Variants in CDS2 observed in about 807,000 individuals in gnomAD.
The protein encoded by CDS2 is CDP-diacylglycerol synthase 2.
In CDS2, 47 loss-of-function variants were observed where a neutral mutation model predicts 59.0. The ratio of observed to expected loss-of-function variants is 0.80; its 90% CI spans 0.63 to 1.02. The LOEUF (loss-of-function observed/expected upper bound fraction) is 1.02, where lower values mean the gene tolerates loss of function less well. Ranked by LOEUF, CDS2 falls within the 50% of genes least tolerant of loss-of-function variation. CDS2 has a pLI of 0.00. For synonymous variants in CDS2, 207 were observed against 206.4 expected (o/e 1.00, Z -0.02); for missense variants, 356 against 558.9 (o/e 0.64, Z 3.66).
chr20:5,180,001 A>C (rs935423627), intron 5 of CDS2, among the ~76,000 whole-genome samples: 4 of 152,234 alleles, frequency 2.6e-5, no homozygotes, highest in Non-Finnish European at 2.9e-5. Flanking sequence ...TAAAATCTGC[A>C]AAGGGGTCTG....
intron 1 of CDS2, among the ~76,000 whole-genome samples, chr20:5,148,597 G>A (rs576927276): frequency 2.6e-5 from 4 of 152,150 alleles, no homozygotes; most frequent in Non-Finnish European, 5.9e-5. Flanking sequence ...TCAACTGTAG[G>A]TTTATGGTGT....
chr20:5,190,339 G>GT lies in CDS2; in HGVS notation c.*106dup. 1.5e-5 allele frequency: 13 copies of GT among 869,146 alleles called. No individual in the cohort carries two copies. Among genetic ancestry groups the GT allele is most frequent in the South Asian group, 1.1e-4 (4 of 37,504 alleles). The allele number at this position is 869,146 out of a possible 1,614,324, so 53.8% of individuals were successfully genotyped here. A position where few individuals can be genotyped will look rare whatever the true frequency, so the allele number is the denominator to read the frequency against. On this transcript the variant is annotated 3_prime_UTR_variant, in exon 13 of 13. Transcript: ENST00000460006. ...GACAATGACGAGGCTTCAACTCACTGTCTTTTTTTTTTTTTTTTGGAGGGT... is the reference window on the plus strand; with the variant it reads ...GACAATGACGAGGCTTCAACTCACTGTTCTTTTTTTTTTTTTTTTGGAGGGT...
chr20:5,185,274 T>C (rs2091059206), intron 8 of CDS2, among the ~76,000 whole-genome samples: 1 of 151,944 alleles, frequency 6.6e-6, no homozygotes, highest in African/African-American at 2.4e-5. Context: ...ATTTAAAAAT[T>C]AGCCAGGCAT....
chr20:5,134,513 A>G (rs1261213228), intron 1 of CDS2, among the ~76,000 whole-genome samples: 2 of 152,004 alleles, frequency 1.3e-5, no homozygotes, highest in Non-Finnish European at 2.9e-5. Context: ...TAAGAGTTTT[A>G]TTTTTATTTA....
chr20:5,138,549 C>T (rs2090666800), intron 1 of CDS2, among the ~76,000 whole-genome samples: 1 of 151,590 alleles, frequency 6.6e-6, no homozygotes. Context: ...GCAATGGCGC[C>T]ATTTTGGCTC....
intron 1 of CDS2, among the ~76,000 whole-genome samples, chr20:5,144,346 CTT>C (rs1017010441): frequency 1.3e-5 from 2 of 152,146 alleles, no homozygotes; most frequent in Non-Finnish European, 2.9e-5. Flanking sequence ...GTGACATACT[CTT>C]TTGCTCTCAA....
At chr20:5,172,394 C>A (rs560019989) in intron 1 of CDS2, among the ~76,000 whole-genome samples, 15 of 152,180 alleles carry the variant, frequency 9.9e-5, no homozygotes, top group African/African-American at 3.6e-4. Context: ...GCACATAAAC[C>A]ACTACAAATC....
At chr20:5,164,689 CTAAA>C (rs986961760) in intron 1 of CDS2, among the ~76,000 whole-genome samples, 1 of 151,526 alleles carries the variant, frequency 6.6e-6, no homozygotes, top group African/African-American at 2.4e-5. Flanking sequence ...CCCTTAAATA[CTAAA>C]TAGAGATGCC....
chr20:5,197,159 T>TA lies in CDS2; in HGVS notation c.*6925_*6926insA, dbSNP rs2091163791. The stretch of plus-strand genomic sequence containing the variant: ...AATATATTTTAATTTTTATTGATGT[T>TA]TAATACCTTCTGAAACAGGAGGGTA... On this transcript the variant is annotated 3_prime_UTR_variant, in exon 13 of 13. Coordinates refer to ENST00000460006, the MANE Select transcript of CDS2 (RefSeq NM_003818.4). 1 of 152,120 alleles carries TA rather than the reference T, an allele frequency of 6.6e-6. No individual in the cohort carries two copies. Among genetic ancestry groups the TA allele is most frequent in the Non-Finnish European group, 1.5e-5 (1 of 68,026 alleles). The allele number at this position is 152,120 out of a possible 1,614,324, so 9.4% of individuals were successfully genotyped here.
At chr20:5,181,783 A>G (rs117244535) in intron 5 of CDS2, among the ~76,000 whole-genome samples, 7 of 152,342 alleles carry the variant, frequency 4.6e-5, no homozygotes, top group Non-Finnish European at 8.8e-5. Flanking sequence ...ACAGCATGTT[A>G]CCTTACTAAA....
chr20:5,175,531 T>C (rs1278201056), intron 3 of CDS2: 2 of 359,616 alleles, frequency 5.6e-6, no homozygotes, highest in Non-Finnish European at 5.2e-6. Context: ...TTATTGCCTG[T>C]GATCCCAGCA....
chr20:5,173,568 A>G lies in CDS2; in HGVS notation c.103A>G (p.Ser35Gly). Residue 35 changes from serine (S) to glycine (G), a missense_variant, in exon 2 of 13, where the codon AGT becomes GGT. By Grantham distance (56) the Ser-to-Gly change is moderately conservative. Transcript: ENST00000460006. ...AKVDGETASD[S>G]ESRAESAPLP... The stretch of plus-strand genomic sequence containing the variant: ...GGTAGATGGAGAGACTGCATCGGAC[A>G]GTGAGAGCCGGGCAGAATCCGCACC... The G allele has an allele frequency of 6.2e-7, 1 of 1,614,238 alleles. No homozygotes were observed. Among genetic ancestry groups the G allele is most frequent in the South Asian group, 1.1e-5 (1 of 91,084 alleles).
chr20:5,169,047 G>A (rs930777560), intron 1 of CDS2, among the ~76,000 whole-genome samples: 1 of 152,224 alleles, frequency 6.6e-6, no homozygotes, highest in African/African-American at 2.4e-5. Context: ...TAGAGGGTCT[G>A]TGTAAACCAA....
At chr20:5,132,150 T>C (rs1005978725) in intron 1 of CDS2, among the ~76,000 whole-genome samples, 1 of 151,648 alleles carries the variant, frequency 6.6e-6, no homozygotes, top group Admixed American at 6.6e-5. Context: ...CAGGCTAGAG[T>C]GCATTGATGT....
intron 1 of CDS2, among the ~76,000 whole-genome samples, chr20:5,172,078 C>G (rs1600502409): frequency 6.6e-6 from 1 of 152,218 alleles, no homozygotes; most frequent in African/African-American, 2.4e-5. Context: ...TCCCTGAGGG[C>G]AGGGGCTGGG....
intron 1 of CDS2, among the ~76,000 whole-genome samples, chr20:5,147,300 T>A (rs2090751541): frequency 6.6e-6 from 1 of 152,092 alleles, no homozygotes; most frequent in Non-Finnish European, 1.5e-5. Flanking sequence ...AGACCAGTTG[T>A]GGTTGCTGGG....
chr20:5,161,750 TC>T (rs1261147900), intron 1 of CDS2, among the ~76,000 whole-genome samples: 1 of 152,228 alleles, frequency 6.6e-6, no homozygotes, highest in African/African-American at 2.4e-5. Context: ...TATGCTCATT[TC>T]CCAGTTGTCT....
rs1004183985 is a variant in CDS2, at chr20:5,192,475, T to C, written c.*2241T>C. The C allele has an allele frequency of 3.3e-5, 5 of 152,514 alleles. No homozygotes were observed. The highest frequency in any genetic ancestry group is 3.4e-3 in the Middle Eastern group (1 of 294). The allele number at this position is 152,514 out of a possible 1,614,324, so 9.4% of individuals were successfully genotyped here. On this transcript the variant is annotated 3_prime_UTR_variant, in exon 13 of 13. Transcript: ENST00000460006. The stretch of plus-strand genomic sequence containing the variant: ...CCTGCATGCTTTCTGGAGATGAGGA[T>C]TTTTTGTCAGGTAGCTAGGAGAGCA...
chr20:5,178,333 T>G (rs1459210457), intron 4 of CDS2, among the ~76,000 whole-genome samples: 1 of 152,114 alleles, frequency 6.6e-6, no homozygotes, highest in African/African-American at 2.4e-5. Flanking sequence ...TAAAATGGCA[T>G]TTGAGCAAGG....
Sources: gnomAD v4.1 joint callset for allele counts (sites outside exome capture counted in the v4.1 genomes callset) on GRCh38, gnomAD v4.1.1 for gene constraint, MANE v1.5 for transcripts, NCBI Gene and HGNC (gene_info 2026-07-23, HGNC 2026-07-21) for gene names.